The following TBC1D9 variants were observed in gnomAD, a reference collection of about 807,000 sequenced individuals.
TBC1D9 encodes the protein TBC1 domain family member 9A.
In TBC1D9, 63 loss-of-function variants were observed where a neutral mutation model predicts 132.0. The ratio of observed to expected loss-of-function variants is 0.48; its 90% confidence interval spans 0.39 to 0.59. The LOEUF (loss-of-function observed/expected upper bound fraction) is 0.59. Ranked by LOEUF, TBC1D9 falls within the 20% of genes least tolerant of loss-of-function variation. The probability of loss-of-function intolerance (pLI) is 0.00; values close to 1 mark genes in which losing one functional copy is unlikely to be tolerated. For missense variants in TBC1D9, 1,261 were observed against 1,592.7 expected (o/e 0.79, Z 3.54); for synonymous variants, 610 against 609.9 (o/e 1.00, Z 0.00).
At chr4:140,622,956 G>T (rs1223054095) in intron 20 of TBC1D9, 39 bp from the exon 21 acceptor site, 11 of 1,472,326 alleles carry the variant, frequency 7.5e-6, no homozygotes, top group Non-Finnish European at 9.9e-6. Context: ...TGAAATCTTG[G>T]GGGAGCAGAA....
intron 13 of TBC1D9, chr4:140,645,412 CAA>C: frequency 2.2e-6 from 1 of 453,890 alleles, no homozygotes; most frequent in Non-Finnish European, 4.4e-6. Context: ...CCCGCGCATC[CAA>C]ATGCCTTGGC....
At chr4:140,637,290 C>CAGTG (rs1736895905) in intron 15 of TBC1D9, among the ~76,000 whole-genome samples, 1 of 151,606 alleles carries the variant, frequency 6.6e-6, no homozygotes, top group South Asian at 2.1e-4. Flanking sequence ...GCAGAGGCTA[C>CAGTG]AGTGAGCCGA....
intron 1 of TBC1D9, among the ~76,000 whole-genome samples, chr4:140,702,631 T>C (rs72718398): frequency 0.044 from 6,749 of 152,272 alleles, 183 homozygotes; most frequent in Middle Eastern, 0.1. Context: ...AGCTTCAAAC[T>C]GGGAACCTGT....
intron 2 of TBC1D9, among the ~76,000 whole-genome samples, chr4:140,696,496 T>C (rs1213566562): frequency 7.6e-6 from 1 of 130,838 alleles, no homozygotes; most frequent in African/African-American, 2.7e-5. Context: ...AAAAGAGGCA[T>C]ATGAAAATAA....
intron 9 of TBC1D9, among the ~76,000 whole-genome samples, chr4:140,666,419 T>G (rs1737445065): frequency 6.6e-6 from 1 of 152,206 alleles, no homozygotes; most frequent in African/African-American, 2.4e-5. Context: ...CACTGCAAGC[T>G]CCGCCTCCCG....
chr4:140,753,308 G>A (rs533978602), intron 1 of TBC1D9, among the ~76,000 whole-genome samples: 3 of 151,602 alleles, frequency 2.0e-5, no homozygotes, highest in South Asian at 4.2e-4. Context: ...TGCCCAGTCC[G>A]GATTTGAATG....
chr4:140,705,525 T>C (rs939536412), intron 1 of TBC1D9, among the ~76,000 whole-genome samples: 1 of 151,800 alleles, frequency 6.6e-6, no homozygotes, highest in East Asian at 1.9e-4. Flanking sequence ...TGTGTGTGTG[T>C]GTGTGTGTGT....
At chr4:140,744,923 C>T (rs1171734611) in intron 1 of TBC1D9, among the ~76,000 whole-genome samples, 2 of 151,042 alleles carry the variant, frequency 1.3e-5, no homozygotes, top group East Asian at 1.9e-4. Context: ...GTCTTCACAA[C>T]CCCTTACCTT....
Position 140,659,651 on chromosome 4 carries a change from A to G in TBC1D9, c.1858T>C (p.Phe620Leu). The change falls in exon 11 of 21, where the codon TTC becomes CTC. Residue 620 changes from phenylalanine (F) to leucine (L), a missense_variant. Physicochemically the swap from Phe to Leu is conservative, Grantham distance 22. Coordinates refer to ENST00000442267, the MANE Select transcript of TBC1D9 (RefSeq NM_015130.3). ...TCACACAAAGCCACAAGCAGCCAGA[A>G]AGCTTCCTCCTCTTTGGCATAAAGC... ...LLLYAKEEEA[F>L]WLLVALCERM... The G allele has an allele frequency of 6.2e-7, 1 of 1,608,422 alleles. No homozygotes were observed. Among genetic ancestry groups the G allele is most frequent in the South Asian group, 1.1e-5 (1 of 89,166 alleles).
At chr4:140,732,562 C>T (rs892067100) in intron 1 of TBC1D9, among the ~76,000 whole-genome samples, 1 of 152,196 alleles carries the variant, frequency 6.6e-6, no homozygotes, top group South Asian at 2.1e-4. Flanking sequence ...CTGCTCAGTT[C>T]TTTCTTCCTC....
chr4:140,740,917 G>T (rs1168037483), intron 1 of TBC1D9, among the ~76,000 whole-genome samples: 1 of 152,182 alleles, frequency 6.6e-6, no homozygotes, highest in Admixed American at 6.6e-5. Flanking sequence ...TTCCCTGAAA[G>T]AATATGTAAA....
At chr4:140,705,353 C>T (rs965897822) in intron 1 of TBC1D9, among the ~76,000 whole-genome samples, 1 of 152,154 alleles carries the variant, frequency 6.6e-6, no homozygotes, top group Non-Finnish European at 1.5e-5. Flanking sequence ...ATTACTTGCA[C>T]ATTTTGCCTT....
intron 2 of TBC1D9, among the ~76,000 whole-genome samples, chr4:140,688,359 T>C (rs1737821347): frequency 6.6e-6 from 1 of 152,060 alleles, no homozygotes; most frequent in South Asian, 2.1e-4. Context: ...TCTGTAAAAT[T>C]GAGATCAGTT....
chr4:140,730,677 G>C (rs1272313881), intron 1 of TBC1D9, among the ~76,000 whole-genome samples: 1 of 152,144 alleles, frequency 6.6e-6, no homozygotes, highest in Non-Finnish European at 1.5e-5. Flanking sequence ...AATGAGCCTA[G>C]ATCTCACCAC....
At chr4:140,635,010 G>A (rs1165243261) in intron 15 of TBC1D9, among the ~76,000 whole-genome samples, 3 of 152,094 alleles carry the variant, frequency 2.0e-5, no homozygotes, top group Admixed American at 2.0e-4. Context: ...AAAAGCATGC[G>A]CTAGAAAGTT....
At chr4:140,711,358 A>G (rs747847377) in intron 1 of TBC1D9, among the ~76,000 whole-genome samples, 4 of 152,122 alleles carry the variant, frequency 2.6e-5, no homozygotes, top group Non-Finnish European at 4.4e-5. Context: ...TTGGTGTGGT[A>G]GGAAGAGTTC....
chr4:140,701,583 C>G lies in TBC1D9; in HGVS notation c.162G>C (p.Leu54Phe), dbSNP rs747102322. Residue 54 changes from leucine (L) to phenylalanine (F), a missense_variant, in exon 2 of 21, where the codon TTG (leucine) becomes TTC (phenylalanine). Around this residue, in one of 3 missense-constraint regions of TBC1D9, gnomAD observed 550 missense variants for 699.0 expected, o/e 0.79. Coordinates refer to ENST00000442267, the MANE Select transcript of TBC1D9 (RefSeq NM_015130.3). The stretch of plus-strand genomic sequence containing the variant: ...AAGGAGCGACCCGGGCGCTGGAGTC[C>G]AACACAACATCAAGGGTACCCACCA... Reference protein sequence around the residue: ...GLLVGTLDVVLDSSARVAPYR... With the variant: ...GLLVGTLDVVFDSSARVAPYR... The G allele has an allele frequency of 1.2e-6, 2 of 1,613,872 alleles. No individual in the cohort carries two copies.
chr4:140,689,393 C>T lies in TBC1D9; in HGVS notation c.242-2931G>A, dbSNP rs72949517. Among the ~76,000 whole-genome samples the T allele has an allele frequency of 1.6e-3, 246 of 151,374 alleles. 1 individual carries two copies. Among genetic ancestry groups the T allele is most frequent in the African/African-American group, 5.6e-3 (231 of 41,186 alleles). Reference sequence around the variant, plus strand: ...CTTTCAAAGCTTCCCTTCCTCCTTCCTTCCCCGCTTCCCTTCCCTTCCCCC... The same window carrying T: ...CTTTCAAAGCTTCCCTTCCTCCTTCTTTCCCCGCTTCCCTTCCCTTCCCCC... On this transcript the variant is annotated intron_variant, in intron 2 of 20. Coordinates refer to ENST00000442267, the MANE Select transcript of TBC1D9 (RefSeq NM_015130.3).
At chr4:140,659,837 T>C in intron 10 of TBC1D9, 132 bp from the exon 11 acceptor site, 1 of 642,102 alleles carries the variant, frequency 1.6e-6, no homozygotes, top group Non-Finnish European at 2.7e-6. Context: ...TAAATATGTT[T>C]AGGCTTTGGA....
Sources: allele counts gnomAD v4.1 joint callset (sites outside exome capture counted in the v4.1 genomes callset), GRCh38; gene constraint gnomAD v4.1.1; regional missense constraint gnomAD v4.1.1; transcripts MANE v1.5; gene names NCBI Gene and HGNC (gene_info 2026-07-23, HGNC 2026-07-21).